Variants in COX7B2 observed in about 807,000 individuals in gnomAD.
COX7B2 encodes cytochrome c oxidase subunit 7B2, mitochondrial.
For synonymous variants in COX7B2, 37 were observed against 32.1 expected (o/e 1.15, Z -0.51); for missense variants, 109 against 95.9 (o/e 1.14, Z -0.57).
chr4:46,904,734 C>T (rs189914084), intron 1 of COX7B2, among the ~76,000 whole-genome samples: 70 of 152,170 alleles, frequency 4.6e-4, no homozygotes, highest in African/African-American at 1.6e-3. Flanking sequence ...ATGATACATT[C>T]ACATCACAAA....
At chr4:46,902,289 T>A (rs1720113323) in intron 1 of COX7B2, among the ~76,000 whole-genome samples, 1 of 152,194 alleles carries the variant, frequency 6.6e-6, no homozygotes, top group African/African-American at 2.4e-5. Flanking sequence ...TATAACTCCC[T>A]TAACTACTCA....
At chr4:46,787,993 T>A (rs1717840602) in intron 2 of COX7B2, among the ~76,000 whole-genome samples, 1 of 152,186 alleles carries the variant, frequency 6.6e-6, no homozygotes, top group African/African-American at 2.4e-5. Flanking sequence ...CTCCTTCCTC[T>A]ATAGCTTTCT....
intron 1 of COX7B2, among the ~76,000 whole-genome samples, chr4:46,861,980 G>A (rs1717362428): frequency 6.6e-6 from 1 of 152,122 alleles, no homozygotes; most frequent in African/African-American, 2.4e-5. Context: ...CCTTGCTCAA[G>A]TCCATCTGTC....
chr4:46,777,244 C>T (rs1717202328), intron 2 of COX7B2, among the ~76,000 whole-genome samples: 1 of 151,856 alleles, frequency 6.6e-6, no homozygotes, highest in South Asian at 2.1e-4. Context: ...GGAGTAAAGG[C>T]CTGAATGAAA....
At chr4:46,853,389 CTCA>C (rs1436141397) in intron 1 of COX7B2, among the ~76,000 whole-genome samples, 1 of 152,128 alleles carries the variant, frequency 6.6e-6, no homozygotes, top group Non-Finnish European at 1.5e-5. Context: ...AAATCTGACT[CTCA>C]TCATCTAAAA....
intron 2 of COX7B2, among the ~76,000 whole-genome samples, chr4:46,835,831 A>G (rs889491050): frequency 4.6e-5 from 7 of 152,182 alleles, no homozygotes; most frequent in Non-Finnish European, 8.8e-5. Context: ...AGCCTCAATC[A>G]TACAGCCTAC....
intron 2 of COX7B2, among the ~76,000 whole-genome samples, chr4:46,819,379 A>G (rs1284263600): frequency 6.6e-6 from 1 of 152,162 alleles, no homozygotes; most frequent in African/African-American, 2.4e-5. Flanking sequence ...CTTTCAGTTC[A>G]GAGGTAGGAA....
intron 2 of COX7B2, among the ~76,000 whole-genome samples, chr4:46,831,603 A>G (rs1715105558): frequency 1.3e-5 from 2 of 152,106 alleles, no homozygotes; most frequent in South Asian, 4.1e-4. Context: ...AAGGTTTGTA[A>G]ACACACCAAT....
chr4:46,749,297 T>A (rs1715205367), intron 2 of COX7B2, among the ~76,000 whole-genome samples: 1 of 152,148 alleles, frequency 6.6e-6, no homozygotes, highest in African/African-American at 2.4e-5. Context: ...TATTTTAAAA[T>A]ATCTCAAATC....
At chr4:46,735,272 T>C (rs1714297062) in intron 2 of COX7B2, 31 bp from the exon 3 acceptor site, 35 of 1,488,696 alleles carry the variant, frequency 2.4e-5, no homozygotes, top group Non-Finnish European at 3.2e-5. Context: ...TGCATTGATG[T>C]CCAATCTTTA....
chr4:46,791,750 T>A (rs148873803), intron 2 of COX7B2, among the ~76,000 whole-genome samples: 3 of 152,200 alleles, frequency 2.0e-5, no homozygotes, highest in Non-Finnish European at 4.4e-5. Flanking sequence ...CCCATTCCCA[T>A]GCAGCATATA....
intron 2 of COX7B2, among the ~76,000 whole-genome samples, chr4:46,795,182 G>T (rs1718260071): frequency 7.8e-6 from 1 of 128,932 alleles, no homozygotes; most frequent in Admixed American, 8.0e-5. Context: ...TTCTTTTGCT[G>T]TGCAGAAGCT....
intron 2 of COX7B2, among the ~76,000 whole-genome samples, chr4:46,774,259 A>G (rs1717037094): frequency 6.6e-6 from 1 of 152,184 alleles, no homozygotes; most frequent in Non-Finnish European, 1.5e-5. Context: ...CTTGGTTAGC[A>G]ACACATTTAT....
intron 2 of COX7B2, among the ~76,000 whole-genome samples, chr4:46,811,688 T>C (rs181169026): frequency 1.3e-5 from 2 of 152,102 alleles, no homozygotes; most frequent in Admixed American, 1.3e-4. Context: ...TTTGGTGGAG[T>C]CATATTTCCT....
intron 1 of COX7B2, chr4:46,876,492 C>A (rs1718344426): frequency 6.6e-6 from 1 of 151,142 alleles, no homozygotes; most frequent in Non-Finnish European, 1.5e-5. Flanking sequence ...GCAAGCTCCA[C>A]CTTCTGGGTT....
intron 1 of COX7B2, among the ~76,000 whole-genome samples, chr4:46,857,694 A>T (rs1717081795): frequency 6.6e-6 from 1 of 152,238 alleles, no homozygotes; most frequent in Non-Finnish European, 1.5e-5. Flanking sequence ...AACAAAAGGC[A>T]AGTAGAATTC....
In COX7B2 at chr4:46,754,697, CGT is replaced by C. The variant is rs367614632; in HGVS notation, c.-49-19458_-49-19457del. The stretch of plus-strand genomic sequence containing the variant: ...CTAGAACTTAAAGTACAATAAAATA[CGT>C]GTGTGTGTGTGTGTGTGTGTGTGTG... On this transcript the variant is annotated intron_variant, in intron 2 of 2. Transcript: ENST00000355591. Among the ~76,000 whole-genome samples the C allele has an allele frequency of 2.1e-3, 155 of 73,594 alleles. 6 individuals carry two copies. Among genetic ancestry groups the C allele is most frequent in the Admixed American group, 5.0e-3 (23 of 4,640 alleles). 48.3% of individuals were successfully genotyped at this position (73,594 alleles called of 152,430 possible).
intron 2 of COX7B2, among the ~76,000 whole-genome samples, chr4:46,748,741 T>C (rs1356935699): frequency 2.0e-5 from 3 of 152,202 alleles, no homozygotes; most frequent in African/African-American, 7.2e-5. Context: ...TTACTCTTCA[T>C]GTCTATATGG....
intron 2 of COX7B2, among the ~76,000 whole-genome samples, chr4:46,768,465 G>C (rs973937674): frequency 3.7e-4 from 56 of 152,128 alleles, no homozygotes; most frequent in African/African-American, 1.3e-3. Context: ...AACAGGACAG[G>C]GGCATGGCAG....
Sources: allele counts gnomAD v4.1 joint callset (sites outside exome capture counted in the v4.1 genomes callset), GRCh38; gene constraint gnomAD v4.1.1; transcripts MANE v1.5; gene names NCBI Gene and HGNC (gene_info 2026-07-23, HGNC 2026-07-21).